GRIN3A: variants seen among roughly 807,000 people sequenced by gnomAD.
GRIN3A encodes the protein glutamate ionotropic receptor NMDA type subunit 3A, also known as glutamate receptor ionotropic, NMDA 3A.
GRIN3A carries 47 observed loss-of-function variants against 92.4 expected under a neutral mutation model. That is an observed-to-expected ratio of 0.51 (90% confidence interval 0.40 to 0.65). GRIN3A has a LOEUF of 0.65. GRIN3A is among the 30% of genes least tolerant of loss of function. The probability of loss-of-function intolerance (pLI) is 0.00; values close to 1 mark genes in which losing one functional copy is unlikely to be tolerated. For missense variants in GRIN3A, 1,324 were observed against 1,393.1 expected (o/e 0.95, Z 0.79); for synonymous variants, 527 against 540.6 (o/e 0.97, Z 0.35).
chr9:101,669,108 C>A (rs1588274660), intron 3 of GRIN3A, among the ~76,000 whole-genome samples: 2 of 152,034 alleles, frequency 1.3e-5, no homozygotes, highest in African/African-American at 4.8e-5. Flanking sequence ...CTTAATGTAT[C>A]CTACATGTTG....
At chr9:101,647,346 C>T (rs1036471302) in intron 3 of GRIN3A, among the ~76,000 whole-genome samples, 2 of 151,794 alleles carry the variant, frequency 1.3e-5, no homozygotes, top group African/African-American at 4.8e-5. Flanking sequence ...ATTAATCCTA[C>T]TTGGTCGTGG....
chr9:101,678,630 G>T (rs1431437793), intron 2 of GRIN3A, among the ~76,000 whole-genome samples: 1 of 152,130 alleles, frequency 6.6e-6, no homozygotes, highest in Non-Finnish European at 1.5e-5. Flanking sequence ...AGGTGAAACT[G>T]TAGGGTGGAA....
intron 1 of GRIN3A, among the ~76,000 whole-genome samples, chr9:101,715,509 T>C (rs1829932944): frequency 6.6e-6 from 1 of 152,180 alleles, no homozygotes; most frequent in Non-Finnish European, 1.5e-5. Context: ...GGATAAAATA[T>C]CTCAACAAAT....
chr9:101,645,654 C>T (rs1185383846), intron 3 of GRIN3A, among the ~76,000 whole-genome samples: 1 of 149,460 alleles, frequency 6.7e-6, no homozygotes, highest in Non-Finnish European at 1.5e-5. Flanking sequence ...TACTAGAATT[C>T]CAATTTCTCT....
intron 3 of GRIN3A, among the ~76,000 whole-genome samples, chr9:101,664,779 C>T (rs958445428): frequency 6.6e-6 from 1 of 151,930 alleles, no homozygotes; most frequent in Non-Finnish European, 1.5e-5. Flanking sequence ...AATATTCACC[C>T]TCTTAATTCT....
Position 101,737,367 on chromosome 9 carries a change from C to A in GRIN3A, c.613G>T (p.Glu205Ter). Reference sequence around the variant, plus strand: ...CTGACCAAGTCGAGCTCCATCATTTCGCCCTGGCTCTGGGGGAAGGCGAGC... The same window carrying A: ...CTGACCAAGTCGAGCTCCATCATTTAGCCCTGGCTCTGGGGGAAGGCGAGC... ...ALLAFPQSQG[E>*]MMELDLVSLV... The change falls in exon 1 of 9, where the codon GAA becomes TAA. Residue 205 changes from glutamate (E) to a stop codon, truncating the protein, a stop_gained. Transcript: ENST00000361820. LOFTEE classifies it high-confidence loss of function. 6.2e-7 allele frequency: 1 copy of A among 1,614,224 alleles called. No individual in the cohort carries two copies. The highest frequency in any genetic ancestry group is 8.5e-7 in the Non-Finnish European group (1 of 1,180,022).
chr9:101,615,381 T>A (rs1431838296), intron 5 of GRIN3A, among the ~76,000 whole-genome samples: 2 of 145,538 alleles, frequency 1.4e-5, no homozygotes, highest in Non-Finnish European at 3.0e-5. Flanking sequence ...CACTGATTTT[T>A]GTTCCTTTTT....
chr9:101,660,139 A>G (rs1829154794), intron 3 of GRIN3A, among the ~76,000 whole-genome samples: 1 of 151,840 alleles, frequency 6.6e-6, no homozygotes, highest in African/African-American at 2.4e-5. Flanking sequence ...CCAGGGATCC[A>G]AAACCACCTA....
At chr9:101,645,183 C>T (rs927313082) in intron 3 of GRIN3A, among the ~76,000 whole-genome samples, 9 of 151,792 alleles carry the variant, frequency 5.9e-5, no homozygotes, top group African/African-American at 2.2e-4. Context: ...CTCTAGTAAC[C>T]ATCATTCTAC....
chr9:101,678,693 C>A (rs1306293255), intron 2 of GRIN3A, among the ~76,000 whole-genome samples: 1 of 152,082 alleles, frequency 6.6e-6, no homozygotes, highest in East Asian at 1.9e-4. Context: ...CAATACTAAT[C>A]TATGTGGTGG....
intron 3 of GRIN3A, among the ~76,000 whole-genome samples, chr9:101,630,424 C>T (rs539753319): frequency 2.6e-5 from 4 of 152,214 alleles, no homozygotes; most frequent in South Asian, 2.1e-4. Context: ...TTGACCTTTC[C>T]GTGCATTATC....
intron 6 of GRIN3A, chr9:101,593,443 T>A (rs57596144): frequency 0.1 from 15,839 of 152,290 alleles, 879 homozygotes; most frequent in Middle Eastern, 0.14. Context: ...CAATTGTCAG[T>A]CTCTGCATCT....
At chr9:101,605,237 A>C (rs1828263431) in intron 6 of GRIN3A, among the ~76,000 whole-genome samples, 1 of 152,232 alleles carries the variant, frequency 6.6e-6, no homozygotes, top group Non-Finnish European at 1.5e-5. Flanking sequence ...AGGTCATGGA[A>C]CTGGTTCGCA....
chr9:101,707,336 T>C (rs1366935159), intron 1 of GRIN3A, among the ~76,000 whole-genome samples: 3 of 152,226 alleles, frequency 2.0e-5, no homozygotes, highest in Non-Finnish European at 4.4e-5. Context: ...TTATTGTTTA[T>C]ATCTAATAAG....
intron 1 of GRIN3A, among the ~76,000 whole-genome samples, chr9:101,727,337 T>A (rs191040391): frequency 7.2e-5 from 11 of 152,320 alleles, no homozygotes; most frequent in African/African-American, 2.6e-4. Context: ...TATGAGTAGA[T>A]CTTTTGGTTG....
chr9:101,692,420 A>G (rs910826076), intron 1 of GRIN3A, among the ~76,000 whole-genome samples: 3 of 152,176 alleles, frequency 2.0e-5, no homozygotes, highest in Admixed American at 6.5e-5. Flanking sequence ...GTGGATTAGT[A>G]AGAGTTTCAA....
At chr9:101,683,879 A>C (rs547946830) in intron 2 of GRIN3A, among the ~76,000 whole-genome samples, 120 of 146,844 alleles carry the variant, frequency 8.2e-4, no homozygotes, top group Middle Eastern at 3.5e-3. Context: ...AGAGAGAGAG[A>C]GCGAGAGAGA....
rs756697323 is a variant in GRIN3A, at chr9:101,689,425, TAGAC to T, written c.700-2229_700-2226del. On this transcript the variant is annotated intron_variant, in intron 1 of 8. Coordinates refer to ENST00000361820, the MANE Select transcript of GRIN3A (RefSeq NM_133445.3). ...GCTAATCATATTGAGCATTTAGTAT[TAGAC>T]AGAGAAACAAATCCAATAGGCATGA... 3.3e-5 allele frequency among the ~76,000 whole-genome samples: 5 copies of T among 152,214 alleles called. No homozygotes were observed. The East Asian group carries it at 9.7e-4, about 29-fold the overall frequency.
intron 3 of GRIN3A, among the ~76,000 whole-genome samples, chr9:101,636,128 C>G (rs1333745233): frequency 1.3e-5 from 2 of 152,198 alleles, no homozygotes; most frequent in African/African-American, 4.8e-5. Flanking sequence ...AATGATCTGC[C>G]TGCTTCGGCC....
Sources: gnomAD v4.1 joint callset for allele counts (sites outside exome capture counted in the v4.1 genomes callset) on GRCh38, gnomAD v4.1.1 for gene constraint, MANE v1.5 for transcripts, NCBI Gene and HGNC (gene_info 2026-07-23, HGNC 2026-07-21) for gene names.